The following EEIG1 variants were observed in gnomAD, a reference collection of about 807,000 sequenced individuals.
EEIG1 encodes the protein early estrogen-induced gene 1 protein.
chr9:127,944,769 C>T, the EEIG1 span: 14 of 1,611,844 alleles, frequency 8.7e-6, no homozygotes, highest in East Asian at 1.1e-4. Flanking sequence ...CAGCCCAGCA[C>T]GGCTCACCCT....
the EEIG1 span, chr9:127,953,858 T>C: frequency 6.2e-7 from 1 of 1,613,888 alleles, no homozygotes; most frequent in African/African-American, 1.3e-5. Context: ...GTGGCCGGGT[T>C]AGCACTCATC....
At chr9:127,979,971 C>A in the EEIG1 span, 1 of 1,601,050 alleles carries the variant, frequency 6.2e-7, no homozygotes, top group Non-Finnish European at 8.5e-7. Context: ...CTGCTGCAGG[C>A]GCGACCGCCC....
the EEIG1 span, among the ~76,000 whole-genome samples, chr9:127,978,157 G>A: frequency 6.6e-6 from 1 of 152,272 alleles, no homozygotes; most frequent in South Asian, 2.1e-4. Flanking sequence ...CAGGGAGCCA[G>A]TGCTCAGAAA....
At chr9:127,945,388 T>C in the EEIG1 span, 1 of 1,587,706 alleles carries the variant, frequency 6.3e-7, no homozygotes, top group Non-Finnish European at 8.6e-7. The surrounding 1 kb of genome is among the most constrained non-coding windows in gnomAD (Gnocchi z 6.5). Context: ...ATCGGACAGA[T>C]GCAGGGGCCG....
the EEIG1 span, among the ~76,000 whole-genome samples, chr9:127,966,473 G>A: frequency 1.3e-5 from 2 of 151,196 alleles, no homozygotes; most frequent in Admixed American, 1.3e-4. Context: ...CATGCAGGCA[G>A]GTGTGGGCAT....
chr9:127,980,159 A>C, the EEIG1 span: 1 of 1,606,608 alleles, frequency 6.2e-7, no homozygotes, highest in Non-Finnish European at 8.5e-7. Context: ...CTGAGTCTGA[A>C]GCCCCGAAGG....
chr9:127,944,598 C>T, the EEIG1 span: 1 of 1,599,728 alleles, frequency 6.3e-7, no homozygotes, highest in South Asian at 1.1e-5. Context: ...GACGACCCCT[C>T]CCTAAGCCTG....
chr9:127,973,479 G>A, the EEIG1 span, among the ~76,000 whole-genome samples: 3 of 152,222 alleles, frequency 2.0e-5, no homozygotes, highest in African/African-American at 7.2e-5. The surrounding 1 kb of genome is among the most constrained non-coding windows in gnomAD (Gnocchi z 4.2). Flanking sequence ...CTGGCTCCAC[G>A]AAGCCAGATC....
At chr9:127,950,451 T>C in the EEIG1 span, 1 of 1,613,980 alleles carries the variant, frequency 6.2e-7, no homozygotes. Flanking sequence ...CTGGCGAGTG[T>C]TCTTCGTGTC....
At chr9:127,947,617 G>C in the EEIG1 span, among the ~76,000 whole-genome samples, 1 of 151,854 alleles carries the variant, frequency 6.6e-6, no homozygotes, top group Non-Finnish European at 1.5e-5. Flanking sequence ...AGAGTATGTG[G>C]GAGAGCAAGA....
At chr9:127,952,950 C>T in the EEIG1 span, among the ~76,000 whole-genome samples, 159 of 152,330 alleles carry the variant, frequency 1.0e-3, no homozygotes, top group African/African-American at 3.7e-3. Flanking sequence ...CTCCTGAGCT[C>T]AGGCAATTCG....
the EEIG1 span, among the ~76,000 whole-genome samples, chr9:127,955,488 G>A: frequency 6.6e-6 from 1 of 152,244 alleles, no homozygotes; most frequent in Non-Finnish European, 1.5e-5. Context: ...GGTGTTGTGG[G>A]GCCTGTAGTA....
At chr9:127,975,109 G>T in the EEIG1 span, among the ~76,000 whole-genome samples, 4 of 152,368 alleles carry the variant, frequency 2.6e-5, no homozygotes, top group East Asian at 1.9e-4. Context: ...GAGGGACCAG[G>T]GGGGTGGAGG....
chr9:127,943,281 T>A, the EEIG1 span: 1 of 1,594,402 alleles, frequency 6.3e-7, no homozygotes. Context: ...CGATACCCCA[T>A]TTCCTGAGCG....
the EEIG1 span, among the ~76,000 whole-genome samples, chr9:127,978,448 G>A: frequency 6.6e-6 from 1 of 152,208 alleles, no homozygotes; most frequent in Non-Finnish European, 1.5e-5. Flanking sequence ...GGCCCAGGGA[G>A]CAAAGGGCAG....
the EEIG1 span, among the ~76,000 whole-genome samples, chr9:127,966,209 G>T: frequency 6.6e-6 from 1 of 152,176 alleles, no homozygotes; most frequent in Admixed American, 6.5e-5. Context: ...AGGCTTGCTG[G>T]GAAAGCGTCA....
chr9:127,946,350 T>C, the EEIG1 span, among the ~76,000 whole-genome samples: 1 of 152,178 alleles, frequency 6.6e-6, no homozygotes, highest in African/African-American at 2.4e-5. Context: ...AAAACAGACT[T>C]TCCTGGCACT....
chr9:127,964,214 G>A, the EEIG1 span, among the ~76,000 whole-genome samples: 6 of 152,362 alleles, frequency 3.9e-5, no homozygotes, highest in African/African-American at 7.2e-5. Flanking sequence ...ACATGGGGCT[G>A]TTGGGGTGAC....
chr9:127,941,322 T>C, the EEIG1 span: 1 of 152,474 alleles, frequency 6.6e-6, no homozygotes, highest in African/African-American at 2.4e-5. Flanking sequence ...GAGGCAAATC[T>C]ACCCTGAATG....
Sources: allele counts gnomAD v4.1 joint callset (sites outside exome capture counted in the v4.1 genomes callset), GRCh38; gene constraint gnomAD v4.1.1; non-coding constraint Gnocchi (gnomAD v3.1); transcripts MANE v1.5; gene names NCBI Gene and HGNC (gene_info 2026-07-23, HGNC 2026-07-21).